Variants in ASB13 observed in about 807,000 individuals in gnomAD.
ASB13 encodes ankyrin repeat and SOCS box protein 13.
A neutral mutation model predicts 28.8 loss-of-function variants in ASB13; 33 were observed. The ratio of observed to expected loss-of-function variants is 1.15; its 90% CI spans 0.87 to 1.53. The LOEUF (loss-of-function observed/expected upper bound fraction) is 1.53. Among genes scored for constraint, ASB13 ranks in the 40% most tolerant of loss-of-function variants. The pLI is 0.00. For missense variants in ASB13, 414 were observed against 390.1 expected, an observed-to-expected ratio of 1.06 and a Z score of -0.52; for synonymous variants, 182 against 172.9, an observed-to-expected ratio of 1.05 and a Z score of -0.41.
At position 5,651,004 on chromosome 10, in the gene ASB13, C is replaced by T. The variant is rs148320974; in HGVS notation, c.382+209G>A. ...AGAATCCTACCCTAGAGTCACCCAC[C>T]CCAGCCCTGGACGAAGACCTCAAGA... On this transcript the variant is annotated intron_variant, in intron 3 of 5. Coordinates refer to ENST00000357700, the MANE Select transcript of ASB13 (RefSeq NM_024701.4). This position sits in a 1 kb window ranked among gnomAD's most constrained non-coding sequence, Gnocchi z 5.1. 1.5e-3 allele frequency among the ~76,000 whole-genome samples: 233 copies of T among 152,304 alleles called. 2 individuals are homozygous for T. Among genetic ancestry groups the T allele is most frequent in the African/African-American group, 5.4e-3 (224 of 41,568 alleles).
intron 1 of ASB13, among the ~76,000 whole-genome samples, chr10:5,662,536 G>GAGGGGC (rs1455291280): frequency 4.1e-5 from 2 of 49,376 alleles, no homozygotes; most frequent in Admixed American, 3.0e-4. Context: ...TCGAGAAGGG[G>GAGGGGC]GGGGGAGGGG....
At chr10:5,665,391 C>T (rs1835243026) in intron 1 of ASB13, among the ~76,000 whole-genome samples, 1 of 152,122 alleles carries the variant, frequency 6.6e-6, no homozygotes, top group South Asian at 2.1e-4. Context: ...ACCAGTGAAC[C>T]TCAAAAGTTG....
Position 5,652,001 on chromosome 10 carries a change from CAAAAAAA to C in ASB13, c.232-645_232-639del, listed in dbSNP as rs569915376. Among the ~76,000 whole-genome samples the C allele has an allele frequency of 3.3e-3, 169 of 50,792 alleles. No individual in the cohort carries two copies. Among genetic ancestry groups the C allele is most frequent in the Non-Finnish European group, 4.6e-3 (143 of 30,974 alleles). The allele number at this position is 50,792 out of a possible 152,430, so 33.3% of individuals were successfully genotyped here. ...TAGGCGACAGAGAAAGACCTTATCT[CAAAAAAA>C]AAAAAAAAAAAAAAAAACCACACAC... On this transcript the variant is annotated intron_variant, in intron 2 of 5. Transcript: ENST00000357700. This position sits in a 1 kb window ranked among gnomAD's most constrained non-coding sequence, Gnocchi z 5.0.
At chr10:5,647,154 C>G (rs1358031120) in intron 4 of ASB13, among the ~76,000 whole-genome samples, 1 of 152,162 alleles carries the variant, frequency 6.6e-6, no homozygotes, top group Non-Finnish European at 1.5e-5. Flanking sequence ...GAGAAGGGGA[C>G]TTGCTATGTT....
Position 5,641,903 on chromosome 10 carries a change from G to C in ASB13, c.576C>G (p.Val192=), listed in dbSNP as rs758712138. ...HETALHHAAK[V]KNVDLIEMLI... ...GCATCTCGATGAGGTCAACATTCTT[G>C]ACCTTGGCCGCGTGGTGAAGGGCAG... is the stretch of plus-strand genomic sequence containing the variant. The change falls in exon 5 of 6, where the codon GTC becomes GTG. Residue 192 remains valine (V), a synonymous_variant. Coordinates refer to ENST00000357700, the MANE Select transcript of ASB13 (RefSeq NM_024701.4). The surrounding 1 kb of genome is among the most constrained non-coding windows in gnomAD (Gnocchi z 8.4). 1.2e-6 allele frequency: 2 copies of C among 1,613,644 alleles called. No homozygotes were observed. The highest frequency in any genetic ancestry group is 1.3e-5 in the African/African-American group (1 of 74,924).
At position 5,652,833 on chromosome 10, in the gene ASB13, T is replaced by A; in HGVS notation, c.231+30A>T. ...CCTCCATTCTGGCAGCTGCAGCCAGTCTGGGGGTCTGCCCTGAAGGGCCAC... is the reference window on the plus strand; with the variant it reads ...CCTCCATTCTGGCAGCTGCAGCCAGACTGGGGGTCTGCCCTGAAGGGCCAC... On this transcript the variant is annotated intron_variant, in intron 2 of 5. Transcript: ENST00000357700. The surrounding 1 kb of genome is among the most constrained non-coding windows in gnomAD (Gnocchi z 5.0). The A allele has an allele frequency of 6.7e-7, 1 of 1,493,506 alleles. No individual in the cohort carries two copies. 92.5% of individuals were successfully genotyped at this position (1,493,506 alleles called of 1,614,324 possible).
Position 5,641,650 on chromosome 10 carries a change from C to T in ASB13, c.709+120G>A. Reference sequence around the variant, plus strand: ...AAGTGCTTAAGGGTCTGTCCTAGCGCAGAGGACAGGAGCCAGGACTAACAG... The same window carrying T: ...AAGTGCTTAAGGGTCTGTCCTAGCGTAGAGGACAGGAGCCAGGACTAACAG... On this transcript the variant is annotated intron_variant, in intron 5 of 5. Transcript: ENST00000357700. This position sits in a 1 kb window ranked among gnomAD's most constrained non-coding sequence, Gnocchi z 8.4. 9.2e-7 allele frequency: 1 copy of T among 1,086,554 alleles called. No homozygotes were observed. Among genetic ancestry groups the T allele is most frequent in the Non-Finnish European group, 1.3e-6 (1 of 767,518 alleles). 67.3% of individuals were successfully genotyped at this position (1,086,554 alleles called of 1,614,324 possible).
intron 5 of ASB13, 64 bp from the exon 6 acceptor site, chr10:5,640,894 G>C: frequency 6.3e-7 from 1 of 1,579,638 alleles, no homozygotes; most frequent in East Asian, 2.3e-5. Context: ...ACCTGCAATG[G>C]AACACAAACT....
In ASB13 at chr10:5,652,779, C is replaced by A. The variant is rs913989550; in HGVS notation, c.231+84G>T. 2.1e-6 allele frequency: 3 copies of A among 1,397,002 alleles called. No homozygotes were observed. The highest frequency in any genetic ancestry group is 1.9e-6 in the Non-Finnish European group (2 of 1,056,086). The allele number at this position is 1,397,002 out of a possible 1,614,324, so 86.5% of individuals were successfully genotyped here. A position where few individuals can be genotyped will look rare whatever the true frequency, so the allele number is the denominator to read the frequency against. On this transcript the variant is annotated intron_variant, in intron 2 of 5. Coordinates refer to ENST00000357700, the MANE Select transcript of ASB13 (RefSeq NM_024701.4). This position sits in a 1 kb window ranked among gnomAD's most constrained non-coding sequence, Gnocchi z 5.0. Reference sequence around the variant, plus strand: ...GACACAGTGCAGCCCCCATCCTCCCCTCTTTCCCAAGTTCTCCTGAGTCAA... The same window carrying A: ...GACACAGTGCAGCCCCCATCCTCCCATCTTTCCCAAGTTCTCCTGAGTCAA...
In ASB13 at chr10:5,642,078, A is replaced by G. The variant is rs1834816575; in HGVS notation, c.518-117T>C. ...CAGAAGCAATCCCCACCCAGAAGAC[A>G]AAATCAGGACAGACTCTACCGTAGC... On this transcript the variant is annotated intron_variant, in intron 4 of 5. Transcript: ENST00000357700. This position sits in a 1 kb window ranked among gnomAD's most constrained non-coding sequence, Gnocchi z 4.1. 1.0e-6 allele frequency: 1 copy of G among 991,354 alleles called. No homozygotes were observed. Among genetic ancestry groups the G allele is most frequent in the Non-Finnish European group, 1.5e-6 (1 of 667,234 alleles). 61.4% of individuals were successfully genotyped at this position (991,354 alleles called of 1,614,324 possible).
In ASB13 at chr10:5,663,718, C is replaced by T. The variant is rs17142551; in HGVS notation, c.43+2791G>A. On this transcript the variant is annotated intron_variant, in intron 1 of 5. Transcript: ENST00000357700. This position sits in a 1 kb window ranked among gnomAD's most constrained non-coding sequence, Gnocchi z 4.9. ...AAACATGCTTCCTAAGCCTTTGTAA[C>T]TTGCTAATTTCCTCTGATACTTCCA... Among the ~76,000 whole-genome samples, 2 of 152,168 alleles carry T rather than the reference C, an allele frequency of 1.3e-5. No homozygotes were observed. The highest frequency in any genetic ancestry group is 2.9e-5 in the Non-Finnish European group (2 of 68,032).
Position 5,649,180 on chromosome 10 carries a change from G to A in ASB13, c.383-76C>T. 1 of 1,585,618 alleles carries A rather than the reference G, an allele frequency of 6.3e-7. No individual in the cohort carries two copies. The highest frequency in any genetic ancestry group is 1.7e-5 in the Admixed American group (1 of 59,584). On this transcript the variant is annotated intron_variant, in intron 3 of 5. Transcript: ENST00000357700. The surrounding 1 kb of genome is among the most constrained non-coding windows in gnomAD (Gnocchi z 6.4). Reference sequence around the variant, plus strand: ...GACAACAAGCACACAGACGCGGCAGGGGCAGCAGCCTCCATCCTTGGTGCA... The same window carrying A: ...GACAACAAGCACACAGACGCGGCAGAGGCAGCAGCCTCCATCCTTGGTGCA...
chr10:5,664,991 G>C lies in ASB13; in HGVS notation c.43+1518C>G, dbSNP rs917423686. Among the ~76,000 whole-genome samples, 2 of 151,874 alleles carry C rather than the reference G, an allele frequency of 1.3e-5. No individual in the cohort carries two copies. Among genetic ancestry groups the C allele is most frequent in the African/African-American group, 4.8e-5 (2 of 41,334 alleles). On this transcript the variant is annotated intron_variant, in intron 1 of 5. Coordinates refer to ENST00000357700, the MANE Select transcript of ASB13 (RefSeq NM_024701.4). The surrounding 1 kb of genome is among the most constrained non-coding windows in gnomAD (Gnocchi z 4.2). ...TCTGCCTCAGTCTCCCAAGTAGCTGGAACTACAGGCACCCGCCACAATGCT... is the reference window on the plus strand; with the variant it reads ...TCTGCCTCAGTCTCCCAAGTAGCTGCAACTACAGGCACCCGCCACAATGCT...
Position 5,649,052 on chromosome 10 carries a change from C to A in ASB13, c.435G>T (p.Ala145=), listed in dbSNP as rs751247527. ...LLIDVGANLE[A]HDCHFGTPLH... ...GAGGGGTCCCAAAATGGCAATCGTG[C>A]GCTTCCAGATTGGCCCCGACGTCAA... The change falls in exon 4 of 6, where the codon GCG becomes GCT. Residue 145 remains alanine (A), a synonymous_variant. Coordinates refer to ENST00000357700, the MANE Select transcript of ASB13 (RefSeq NM_024701.4). The surrounding 1 kb of genome is among the most constrained non-coding windows in gnomAD (Gnocchi z 6.4). 6.2e-7 allele frequency: 1 copy of A among 1,614,256 alleles called. No individual in the cohort carries two copies. The highest frequency in any genetic ancestry group is 8.5e-7 in the Non-Finnish European group (1 of 1,180,040).
At position 5,651,487 on chromosome 10, in the gene ASB13, T is replaced by C. The variant is rs1834984268; in HGVS notation, c.232-124A>G. 6 of 1,134,022 alleles carry C rather than the reference T, an allele frequency of 5.3e-6. No homozygotes were observed. Among genetic ancestry groups the C allele is most frequent in the South Asian group, 3.3e-5 (2 of 61,396 alleles). The allele number at this position is 1,134,022 out of a possible 1,614,324, so 70.2% of individuals were successfully genotyped here. On this transcript the variant is annotated intron_variant, in intron 2 of 5. Transcript: ENST00000357700. This position sits in a 1 kb window ranked among gnomAD's most constrained non-coding sequence, Gnocchi z 5.1. ...GAAGCACCGGTTTGCTTTGCTATTA[T>C]GTGCTAGGCAACGACACTGAAAGAG...
rs150169932 is a variant in ASB13, at chr10:5,650,595, C to G, written c.382+618G>C. ...AAGAGTAGAATCTAAACTCCTTAGTCTGTCATTTAAACATCTTCCCACCAG... is the reference window on the plus strand; with the variant it reads ...AAGAGTAGAATCTAAACTCCTTAGTGTGTCATTTAAACATCTTCCCACCAG... On this transcript the variant is annotated intron_variant, in intron 3 of 5. Transcript: ENST00000357700. The surrounding 1 kb of genome is among the most constrained non-coding windows in gnomAD (Gnocchi z 6.0). 5.7e-3 allele frequency among the ~76,000 whole-genome samples: 874 copies of G among 152,366 alleles called. 6 individuals are homozygous for G. The highest frequency in any genetic ancestry group is 9.3e-3 in the Non-Finnish European group (630 of 68,032).
rs1834789750 is a variant in ASB13 at position 5,640,450 on chromosome 10, A to G, written c.*253T>C. On this transcript the variant is annotated 3_prime_UTR_variant, in exon 6 of 6. Transcript: ENST00000357700. ...AAACTGGATGGTTGGGCCCATGCCC[A>G]TTGAGAGGGTAGGTTCTGTAGAACA... 6 of 436,112 alleles carry G rather than the reference A, an allele frequency of 1.4e-5. No individual in the cohort carries two copies. The Admixed American group carries it at 1.5e-4, about 11-fold the overall frequency. The allele number at this position is 436,112 out of a possible 1,614,324, so 27.0% of individuals were successfully genotyped here.
intron 1 of ASB13, among the ~76,000 whole-genome samples, chr10:5,662,742 A>AG (rs60404400): frequency 0.32 from 48,509 of 151,836 alleles, 7,774 homozygotes; most frequent in Admixed American, 0.36. Flanking sequence ...AGGGAATAAA[A>AG]TGGGGGCTAA....
chr10:5,657,875 C>T (rs141010603), intron 1 of ASB13, among the ~76,000 whole-genome samples: 150 of 152,324 alleles, frequency 9.8e-4, no homozygotes, highest in African/African-American at 3.6e-3. Flanking sequence ...AGGCCAGGCA[C>T]GCTGGCTCAC....
Sources: allele counts gnomAD v4.1 joint callset (sites outside exome capture counted in the v4.1 genomes callset), GRCh38; gene constraint gnomAD v4.1.1; non-coding constraint Gnocchi (gnomAD v3.1); transcripts MANE v1.5; gene names NCBI Gene and HGNC (gene_info 2026-07-23, HGNC 2026-07-21).